Variants in GPHN observed in about 807,000 individuals in gnomAD.
GPHN encodes gephyrin.
In GPHN, 17 loss-of-function variants were observed where a neutral mutation model predicts 95.5. The observed-to-expected ratio is 0.18, with a 90% CI of 0.12 to 0.27. GPHN has a LOEUF of 0.27. Ranked by LOEUF, GPHN falls within the 10% of genes least tolerant of loss-of-function variation. The pLI is 1.00. For synonymous variants in GPHN, 320 were observed against 322.5 expected, an observed-to-expected ratio of 0.99 and a Z score of 0.08; for missense variants, 660 against 978.1, an observed-to-expected ratio of 0.67 and a Z score of 4.34.
At chr14:67,645,028 C>T in the GPHN span, among the ~76,000 whole-genome samples, 1 of 151,426 alleles carries the variant, frequency 6.6e-6, no homozygotes, top group African/African-American at 2.4e-5. Context: ...GAATGCCATG[C>T]TAATATATAT....
At chr14:67,316,722 G>C in the GPHN span, 1 of 765,646 alleles carries the variant, frequency 1.3e-6, no homozygotes, top group Non-Finnish European at 2.0e-6. Flanking sequence ...GGATTTGGAA[G>C]GGAATATAAG....
chr14:67,200,519 T>G, the GPHN span: 4 of 285,776 alleles, frequency 1.4e-5, no homozygotes, highest in Non-Finnish European at 2.6e-5. Flanking sequence ...ATTTTGCAAA[T>G]GCACAGAGAA....
At chr14:67,529,328 G>A in the GPHN span, among the ~76,000 whole-genome samples, 2 of 152,232 alleles carry the variant, frequency 1.3e-5, no homozygotes, top group East Asian at 1.9e-4. Context: ...GTGTCCCCTG[G>A]GTGGAAGAGC....
chr14:66,604,749 A>G (rs553438590), intron 1 of GPHN, among the ~76,000 whole-genome samples: 9 of 152,196 alleles, frequency 5.9e-5, no homozygotes, highest in African/African-American at 2.2e-4. Context: ...GATTTGTTAC[A>G]TGGGTATATT....
chr14:66,826,284 T>G (rs1212178067), intron 4 of GPHN, among the ~76,000 whole-genome samples: 3 of 152,238 alleles, frequency 2.0e-5, no homozygotes, highest in Non-Finnish European at 4.4e-5. Context: ...GCTCTGCTAC[T>G]TATCAACAAG....
At chr14:67,114,076 A>C (rs2039055) in intron 16 of GPHN, among the ~76,000 whole-genome samples, 49,560 of 152,024 alleles carry the variant, frequency 0.33, 12,870 homozygotes, top group African/African-American at 0.7. Context: ...TTTTTATGAC[A>C]TTATAGTCCT....
intron 1 of GPHN, among the ~76,000 whole-genome samples, chr14:66,638,665 G>C (rs2064233110): frequency 6.6e-6 from 1 of 151,932 alleles, no homozygotes; most frequent in Non-Finnish European, 1.5e-5. Context: ...TTTTCCAGTT[G>C]AGAATTCAGA....
chr14:67,587,418 A>G, the GPHN span: 1 of 666,402 alleles, frequency 1.5e-6, no homozygotes, highest in African/African-American at 1.8e-5. Context: ...TCAGGGCTCA[A>G]CTTTTTAAAA....
the GPHN span, among the ~76,000 whole-genome samples, chr14:67,517,036 T>A: frequency 5.9e-5 from 9 of 152,188 alleles, no homozygotes; most frequent in Admixed American, 1.3e-4. Flanking sequence ...CAGGAAAACT[T>A]GTTTTTTTGC....
At chr14:67,375,480 G>A in the GPHN span, among the ~76,000 whole-genome samples, 2 of 150,942 alleles carry the variant, frequency 1.3e-5, no homozygotes, top group South Asian at 2.1e-4. Context: ...CCCTTCTCTG[G>A]TGTCTGTTCT....
chr14:67,149,616 T>TGTGTCAC (rs2081129007), intron 18 of GPHN, among the ~76,000 whole-genome samples: 1 of 152,208 alleles, frequency 6.6e-6, no homozygotes, highest in Non-Finnish European at 1.5e-5. Context: ...ACACTTATAG[T>TGTGTCAC]TATACTTCTC....
chr14:67,344,588 G>C, the GPHN span, among the ~76,000 whole-genome samples: 4 of 152,154 alleles, frequency 2.6e-5, no homozygotes, highest in Non-Finnish European at 5.9e-5. Flanking sequence ...TTAGCAAAGA[G>C]TGAAACTGGG....
intron 4 of GPHN, among the ~76,000 whole-genome samples, chr14:66,834,510 A>G (rs60782355): frequency 2.0e-5 from 3 of 152,086 alleles, no homozygotes; most frequent in Non-Finnish European, 4.4e-5. Flanking sequence ...GTATTGAGAT[A>G]ATCATGTGGT....
chr14:66,813,352 A>G (rs761829640), intron 3 of GPHN, among the ~76,000 whole-genome samples: 1 of 152,212 alleles, frequency 6.6e-6, no homozygotes, highest in Non-Finnish European at 1.5e-5. Context: ...CTTTTAACAG[A>G]TCTTTACAGG....
At chr14:67,600,192 C>T in the GPHN span, 1 of 1,580,250 alleles carries the variant, frequency 6.3e-7, no homozygotes, top group Non-Finnish European at 8.6e-7. Flanking sequence ...AAAAGCTCCG[C>T]TCATCCTCCA....
At chr14:66,682,391 C>T (rs967029410) in intron 2 of GPHN, among the ~76,000 whole-genome samples, 3 of 152,188 alleles carry the variant, frequency 2.0e-5, no homozygotes, top group Non-Finnish European at 4.4e-5. Flanking sequence ...AAGAGTTCTA[C>T]TATCCTTATG....
At chr14:66,990,197 A>G (rs922748864) in intron 9 of GPHN, among the ~76,000 whole-genome samples, 3 of 152,164 alleles carry the variant, frequency 2.0e-5, no homozygotes, top group South Asian at 4.2e-4. Flanking sequence ...CTCCCTCACT[A>G]TTTACAAGAA....
intron 10 of GPHN, among the ~76,000 whole-genome samples, chr14:67,053,517 C>T (rs559388844): frequency 1.3e-5 from 2 of 152,228 alleles, no homozygotes; most frequent in South Asian, 2.1e-4. Context: ...GATTCACAGC[C>T]GAATTCTACG....
intron 9 of GPHN, among the ~76,000 whole-genome samples, chr14:66,996,952 C>A (rs2071847995): frequency 6.6e-6 from 1 of 152,040 alleles, no homozygotes; most frequent in African/African-American, 2.4e-5. Context: ...TTTCAAAAAG[C>A]AGATTTATTG....
Sources: allele counts gnomAD v4.1 joint callset (sites outside exome capture counted in the v4.1 genomes callset), GRCh38; gene constraint gnomAD v4.1.1; transcripts MANE v1.5; gene names NCBI Gene and HGNC (gene_info 2026-07-23, HGNC 2026-07-21).